PPM1L: variants seen among roughly 807,000 people sequenced by gnomAD.
PPM1L encodes protein phosphatase, Mg2+/Mn2+ dependent 1L.
A neutral mutation model predicts 31.4 loss-of-function variants in PPM1L; 13 were observed. That is an observed-to-expected ratio of 0.41 (90% CI 0.27 to 0.66). The LOEUF is 0.66. Among genes scored for constraint, PPM1L ranks in the 30% least tolerant of loss-of-function variants. PPM1L has a pLI of 0.29. For synonymous variants in PPM1L, 184 were observed against 175.4 expected, an observed-to-expected ratio of 1.05 and a Z score of -0.39; for missense variants, 326 against 453.7, an observed-to-expected ratio of 0.72 and a Z score of 2.56.
At chr3:160,917,512 A>G (rs1261099980) in intron 1 of PPM1L, among the ~76,000 whole-genome samples, 1 of 152,152 alleles carries the variant, frequency 6.6e-6, no homozygotes, top group Admixed American at 6.5e-5. Context: ...CATATCTCAT[A>G]TGGTTCAGGC....
intron 2 of PPM1L, among the ~76,000 whole-genome samples, chr3:161,034,264 C>T (rs1299151856): frequency 6.6e-6 from 1 of 152,138 alleles, no homozygotes; most frequent in Non-Finnish European, 1.5e-5. Context: ...TTAGTTCAGC[C>T]ATTGTGGAAG....
At chr3:161,044,854 A>C (rs1427231293) in intron 2 of PPM1L, among the ~76,000 whole-genome samples, 1 of 152,212 alleles carries the variant, frequency 6.6e-6, no homozygotes, top group Non-Finnish European at 1.5e-5. Context: ...AAGACCCATC[A>C]GTGTGCTATA....
At chr3:160,886,013 C>G (rs976766341) in intron 1 of PPM1L, among the ~76,000 whole-genome samples, 1 of 152,198 alleles carries the variant, frequency 6.6e-6, no homozygotes, top group Non-Finnish European at 1.5e-5. Flanking sequence ...TTGCTTTTCC[C>G]CTGCTGGAGC....
intron 1 of PPM1L, among the ~76,000 whole-genome samples, chr3:160,802,057 G>A (rs17236648): frequency 0.049 from 7,446 of 152,178 alleles, 203 homozygotes; most frequent in East Asian, 0.072. Context: ...TGGTGGCTAC[G>A]TCGGGTTCTG....
At chr3:161,016,215 A>G (rs1718084035) in intron 2 of PPM1L, among the ~76,000 whole-genome samples, 1 of 152,066 alleles carries the variant, frequency 6.6e-6, no homozygotes, top group South Asian at 2.1e-4. Context: ...GCAACTGGTA[A>G]AAAAAAATCC....
chr3:160,820,815 A>T (rs1713176856), intron 1 of PPM1L, among the ~76,000 whole-genome samples: 1 of 152,046 alleles, frequency 6.6e-6, no homozygotes, highest in South Asian at 2.1e-4. Context: ...ATGTTTTGGC[A>T]ATATGTTGTT....
chr3:161,055,072 C>T lies in PPM1L; in HGVS notation c.575-10331C>T, dbSNP rs577223850. Reference sequence around the variant, plus strand: ...AGCCCAGCCACACACATTGATATGACTCTGATGATGGCCTGCCTCTCAGTG... The same window carrying T: ...AGCCCAGCCACACACATTGATATGATTCTGATGATGGCCTGCCTCTCAGTG... On this transcript the variant is annotated intron_variant, in intron 2 of 3. Coordinates refer to ENST00000498165, the MANE Select transcript of PPM1L (RefSeq NM_139245.4). Among the ~76,000 whole-genome samples the T allele has an allele frequency of 3.8e-4, 58 of 152,028 alleles. 1 individual carries two copies. The South Asian group carries it at 0.01, about 27-fold the overall frequency.
At chr3:160,891,774 A>G (rs2108046609) in intron 1 of PPM1L, among the ~76,000 whole-genome samples, 1 of 152,340 alleles carries the variant, frequency 6.6e-6, no homozygotes, top group South Asian at 2.1e-4. Flanking sequence ...TAGACTGGAT[A>G]AAGAAAATGT....
intron 1 of PPM1L, among the ~76,000 whole-genome samples, chr3:160,952,613 G>A (rs935697807): frequency 2.6e-5 from 4 of 152,162 alleles, no homozygotes; most frequent in African/African-American, 7.2e-5. Context: ...ACAGGAGAGG[G>A]CCACTGATCA....
chr3:160,772,809 G>T (rs930221337), intron 1 of PPM1L, among the ~76,000 whole-genome samples: 1 of 152,078 alleles, frequency 6.6e-6, no homozygotes, highest in Non-Finnish European at 1.5e-5. Context: ...TATATAAATA[G>T]AAATATGCAG....
chr3:160,857,831 C>T (rs956429994), intron 1 of PPM1L, among the ~76,000 whole-genome samples: 8 of 152,174 alleles, frequency 5.3e-5, no homozygotes, highest in African/African-American at 1.9e-4. Flanking sequence ...TTATTTTCTT[C>T]TGTGGATTTT....
chr3:161,018,006 T>C (rs1343080177), intron 2 of PPM1L, among the ~76,000 whole-genome samples: 1 of 152,106 alleles, frequency 6.6e-6, no homozygotes, highest in African/African-American at 2.4e-5. Flanking sequence ...AAGATACTTT[T>C]AAAAGCTTAA....
At chr3:160,783,106 C>T (rs1711795218) in intron 1 of PPM1L, among the ~76,000 whole-genome samples, 1 of 152,188 alleles carries the variant, frequency 6.6e-6, no homozygotes, top group Non-Finnish European at 1.5e-5. Context: ...AAGAAGGCCA[C>T]AATCCTTAAA....
rs978197944 is a variant in PPM1L at position 161,070,987 on chromosome 3, T to G, written c.*1830T>G. The G allele has an allele frequency of 3.9e-5, 6 of 152,236 alleles. No homozygotes were observed. Among genetic ancestry groups the G allele is most frequent in the African/African-American group, 1.4e-4 (6 of 41,444 alleles). The allele number at this position is 152,236 out of a possible 1,614,324, so 9.4% of individuals were successfully genotyped here. A position where few individuals can be genotyped will look rare whatever the true frequency, so the allele number is the denominator to read the frequency against. On this transcript the variant is annotated 3_prime_UTR_variant, in exon 4 of 4. Coordinates refer to ENST00000498165, the MANE Select transcript of PPM1L (RefSeq NM_139245.4). ...CAGCATTACAGAACCTTGGTTATTGTTTTTTAGCCATAGAATCTTCTAGTA... is the reference window on the plus strand; with the variant it reads ...CAGCATTACAGAACCTTGGTTATTGGTTTTTAGCCATAGAATCTTCTAGTA...
At chr3:160,826,712 A>C (rs530439068) in intron 1 of PPM1L, among the ~76,000 whole-genome samples, 68 of 152,306 alleles carry the variant, frequency 4.5e-4, no homozygotes, top group African/African-American at 1.6e-3. Flanking sequence ...TCTTTAAAAG[A>C]AAATGTACAT....
chr3:160,821,918 A>G (rs1402195176), intron 1 of PPM1L, among the ~76,000 whole-genome samples: 1 of 151,990 alleles, frequency 6.6e-6, no homozygotes, highest in Non-Finnish European at 1.5e-5. Context: ...ACTGCACTAA[A>G]TATATTATCT....
chr3:160,793,665 GA>G (rs1298307655), intron 1 of PPM1L, among the ~76,000 whole-genome samples: 1 of 152,130 alleles, frequency 6.6e-6, no homozygotes, highest in Non-Finnish European at 1.5e-5. Context: ...GAACTTTGGG[GA>G]TATGAACAAA....
chr3:160,928,317 C>T (rs1714669049), intron 1 of PPM1L, among the ~76,000 whole-genome samples: 1 of 152,096 alleles, frequency 6.6e-6, no homozygotes, highest in Non-Finnish European at 1.5e-5. Context: ...GACTGCACAC[C>T]CATCCTGACC....
intron 2 of PPM1L, among the ~76,000 whole-genome samples, chr3:161,025,577 G>GA (rs35588038): frequency 1.1e-3 from 140 of 128,494 alleles, no homozygotes; most frequent in South Asian, 2.2e-3. Context: ...ATTTGTAAAT[G>GA]AAAAAAAAAA....
Sources: allele counts gnomAD v4.1 joint callset (sites outside exome capture counted in the v4.1 genomes callset), GRCh38; gene constraint gnomAD v4.1.1; transcripts MANE v1.5; gene names NCBI Gene and HGNC (gene_info 2026-07-23, HGNC 2026-07-21).